Variants in SKAP1 observed in about 807,000 individuals in gnomAD.
SKAP1 encodes the protein src kinase associated phosphoprotein 1.
Under a neutral mutation model 58.5 loss-of-function variants are expected in SKAP1, and 44 were observed. The ratio of observed to expected loss-of-function variants is 0.75; its 90% confidence interval spans 0.59 to 0.97. The LOEUF is 0.97. Among genes scored for constraint, SKAP1 ranks in the 50% least tolerant of loss-of-function variants. SKAP1 has a pLI of 0.00. For missense variants in SKAP1, 390 were observed against 435.2 expected (o/e 0.90, Z 0.92); for synonymous variants, 127 against 149.7 (o/e 0.85, Z 1.11).
At chr17:48,322,456 TA>T (rs1247334482) in intron 4 of SKAP1, among the ~76,000 whole-genome samples, 26 of 152,190 alleles carry the variant, frequency 1.7e-4, no homozygotes, top group Non-Finnish European at 3.1e-4. Context: ...ACACTCAAGG[TA>T]TAACGGAAAG....
chr17:48,381,248 CTG>C (rs372769444), intron 2 of SKAP1, among the ~76,000 whole-genome samples: 441 of 152,326 alleles, frequency 2.9e-3, no homozygotes, highest in African/African-American at 0.01. Flanking sequence ...AACTACCTAT[CTG>C]TCCTCTTCAA....
At chr17:48,427,489 T>C (rs536042906) in intron 1 of SKAP1, among the ~76,000 whole-genome samples, 14 of 152,114 alleles carry the variant, frequency 9.2e-5, no homozygotes, top group African/African-American at 1.2e-4. Flanking sequence ...GTGAGGTTTC[T>C]AGGTCGAGTG....
At chr17:48,444,421 C>T in the SKAP1 span, among the ~76,000 whole-genome samples, 1 of 152,176 alleles carries the variant, frequency 6.6e-6, no homozygotes, top group African/African-American at 2.4e-5. Flanking sequence ...GTATGGTTAT[C>T]AAAATGAGGA....
intron 4 of SKAP1, among the ~76,000 whole-genome samples, chr17:48,338,520 T>C (rs933576133): frequency 3.9e-5 from 6 of 152,202 alleles, no homozygotes; most frequent in African/African-American, 1.4e-4. Flanking sequence ...TTGCCAACTC[T>C]CTTCCAGCTC....
intron 4 of SKAP1, chr17:48,249,042 C>G (rs1160996420): frequency 6.6e-6 from 1 of 151,040 alleles, no homozygotes; most frequent in Non-Finnish European, 1.5e-5. Context: ...AAAAACAAAA[C>G]AAAAAAACAA....
chr17:48,205,356 G>C (rs1161666296), intron 4 of SKAP1, among the ~76,000 whole-genome samples: 1 of 151,816 alleles, frequency 6.6e-6, no homozygotes, highest in East Asian at 1.9e-4. Flanking sequence ...AGCAATTCAC[G>C]TGCCTCGGCC....
At chr17:48,163,072 GGA>G (rs1273897387) in intron 10 of SKAP1, among the ~76,000 whole-genome samples, 2 of 152,080 alleles carry the variant, frequency 1.3e-5, no homozygotes, top group Admixed American at 6.6e-5. Context: ...CTTTGTCCTG[GGA>G]ACTTCCCACC....
intron 2 of SKAP1, among the ~76,000 whole-genome samples, chr17:48,390,327 C>T (rs2067329748): frequency 6.6e-6 from 1 of 152,138 alleles, no homozygotes; most frequent in African/African-American, 2.4e-5. Flanking sequence ...GGACAAAAGG[C>T]TAGCTCCAGA....
chr17:48,321,998 C>T (rs750083891), intron 4 of SKAP1, among the ~76,000 whole-genome samples: 1 of 152,226 alleles, frequency 6.6e-6, no homozygotes, highest in South Asian at 2.1e-4. Context: ...TAGCCTACTA[C>T]TGAATTCTAC....
At chr17:48,227,139 A>C (rs903869909) in intron 4 of SKAP1, among the ~76,000 whole-genome samples, 4 of 152,180 alleles carry the variant, frequency 2.6e-5, no homozygotes, top group Admixed American at 2.6e-4. Context: ...GACTGGCATG[A>C]TATCTCAAGT....
chr17:48,330,832 AAAAC>A (rs1370513439), intron 4 of SKAP1, among the ~76,000 whole-genome samples: 1 of 152,072 alleles, frequency 6.6e-6, no homozygotes, highest in Non-Finnish European at 1.5e-5. Flanking sequence ...CGGAAAAAAA[AAAAC>A]AAAGAGTGAC....
intron 4 of SKAP1, among the ~76,000 whole-genome samples, chr17:48,243,512 G>A (rs1385044204): frequency 6.6e-6 from 1 of 151,892 alleles, no homozygotes; most frequent in Non-Finnish European, 1.5e-5. Context: ...TTTTGCAAAG[G>A]GGAAAAAAAG....
intron 2 of SKAP1, among the ~76,000 whole-genome samples, chr17:48,392,273 C>T (rs915982826): frequency 6.6e-6 from 1 of 152,232 alleles, no homozygotes; most frequent in African/African-American, 2.4e-5. Context: ...TAGCCACCCA[C>T]AAATGAGACA....
intron 4 of SKAP1, among the ~76,000 whole-genome samples, chr17:48,237,093 A>G (rs954954796): frequency 2.0e-5 from 3 of 152,100 alleles, no homozygotes; most frequent in Non-Finnish European, 4.4e-5. Flanking sequence ...GTTCTTTCTG[A>G]CTCCAGAAAC....
At chr17:48,165,581 G>A (rs1248592229) in intron 10 of SKAP1, among the ~76,000 whole-genome samples, 1 of 151,896 alleles carries the variant, frequency 6.6e-6, no homozygotes, top group Non-Finnish European at 1.5e-5. Context: ...TGTATTTTTA[G>A]TAGAGACGGG....
At chr17:48,340,293 A>G (rs2066633896) in intron 4 of SKAP1, among the ~76,000 whole-genome samples, 1 of 152,202 alleles carries the variant, frequency 6.6e-6, no homozygotes, top group Non-Finnish European at 1.5e-5. Context: ...GTTCATTAAG[A>G]GGGGGTCTTT....
chr17:48,165,231 T>A (rs1376460262), intron 10 of SKAP1, among the ~76,000 whole-genome samples: 1 of 152,074 alleles, frequency 6.6e-6, no homozygotes, highest in African/African-American at 2.4e-5. Flanking sequence ...GGGGAAGAGA[T>A]AAGTTGGAGG....
At chr17:48,387,942 T>C (rs1431201873) in intron 2 of SKAP1, among the ~76,000 whole-genome samples, 2 of 152,198 alleles carry the variant, frequency 1.3e-5, no homozygotes, top group Non-Finnish European at 2.9e-5. Flanking sequence ...TACTTCCTGT[T>C]ACTTATGTCA....
intron 9 of SKAP1, among the ~76,000 whole-genome samples, chr17:48,174,627 T>C (rs1459785320): frequency 6.6e-6 from 1 of 152,252 alleles, no homozygotes; most frequent in East Asian, 1.9e-4. Flanking sequence ...AATGTGACAC[T>C]TTAATTTTAA....
Sources: gnomAD v4.1 joint callset for allele counts (sites outside exome capture counted in the v4.1 genomes callset) on GRCh38, gnomAD v4.1.1 for gene constraint, MANE v1.5 for transcripts, NCBI Gene and HGNC (gene_info 2026-07-23, HGNC 2026-07-21) for gene names.